Variants in MYO3B observed in about 807,000 individuals in gnomAD.
MYO3B encodes the protein myosin IIIB, also known as myosin-IIIb.
In MYO3B, 156 loss-of-function variants were observed where a neutral mutation model predicts 174.6. The observed-to-expected ratio is 0.89, with a 90% CI of 0.78 to 1.02. The LOEUF (loss-of-function observed/expected upper bound fraction) is 1.02, where lower values mean the gene tolerates loss of function less well. Ranked by LOEUF, MYO3B falls within the 50% of genes least tolerant of loss-of-function variation. The pLI is 0.00. For missense variants in MYO3B, 1,632 were observed against 1,639.4 expected (o/e 1.00, Z 0.08); for synonymous variants, 563 against 569.1 (o/e 0.99, Z 0.15).
Position 170,651,625 on chromosome 2 carries a change from C to G in MYO3B, c.3734-3C>G, listed in dbSNP as rs1699016758. On this transcript the variant is annotated splice_polypyrimidine_tract_variant and splice_region_variant and intron_variant, in intron 32 of 34. Transcript: ENST00000408978. ...TTACAGCAAAGTTTTGCTCTTTTTT[C>G]AGGTTCAGAAAATGGTCTTGCACAG... The G allele has an allele frequency of 6.2e-7, 1 of 1,613,462 alleles. No homozygotes were observed. Among genetic ancestry groups the G allele is most frequent in the African/African-American group, 1.3e-5 (1 of 74,852 alleles).
At chr2:170,215,274 C>T (rs2092815450) in intron 5 of MYO3B, among the ~76,000 whole-genome samples, 1 of 152,206 alleles carries the variant, frequency 6.6e-6, no homozygotes, top group South Asian at 2.1e-4. Flanking sequence ...TGGGAGCTAA[C>T]ATCCTTTTAA....
At chr2:170,610,994 C>G (rs1022999369) in intron 32 of MYO3B, among the ~76,000 whole-genome samples, 5 of 152,144 alleles carry the variant, frequency 3.3e-5, no homozygotes, top group African/African-American at 1.2e-4. Flanking sequence ...AGTTGCAGAT[C>G]CATGAGACCA....
intron 32 of MYO3B, among the ~76,000 whole-genome samples, chr2:170,623,780 C>A (rs969256315): frequency 9.9e-5 from 15 of 152,198 alleles, no homozygotes; most frequent in Non-Finnish European, 2.1e-4. Context: ...CCAGTTTCAT[C>A]TTTCTACATA....
At chr2:170,199,058 T>G (rs1377242411) in intron 1 of MYO3B, 150 bp from the exon 2 acceptor site, 1 of 538,958 alleles carries the variant, frequency 1.9e-6, no homozygotes, top group African/African-American at 1.9e-5. Flanking sequence ...AGGGTCCAAG[T>G]TCTTTTTCAA....
intron 32 of MYO3B, among the ~76,000 whole-genome samples, chr2:170,561,652 A>T (rs756113030): frequency 6.6e-6 from 1 of 152,242 alleles, no homozygotes; most frequent in African/African-American, 2.4e-5. Context: ...TGTAAAGACT[A>T]TCAATTTTAT....
chr2:170,389,014 A>G (rs978556744), intron 14 of MYO3B, among the ~76,000 whole-genome samples: 1 of 152,190 alleles, frequency 6.6e-6, no homozygotes, highest in African/African-American at 2.4e-5. Flanking sequence ...CAGAATGGAA[A>G]GCATAGTGTT....
intron 32 of MYO3B, among the ~76,000 whole-genome samples, chr2:170,608,382 T>C (rs1224004821): frequency 6.6e-6 from 1 of 152,210 alleles, no homozygotes; most frequent in East Asian, 1.9e-4. Flanking sequence ...AATCAATTAA[T>C]AGACATTAAA....
At position 170,416,627 on chromosome 2, in the gene MYO3B, T is replaced by C. The variant is rs565494645; in HGVS notation, c.2650+8783T>C. The stretch of plus-strand genomic sequence containing the variant: ...CCTAGAATAAAATCCAAACTCCTTT[T>C]TTTTTTTTTTTTTTGTACACACAAA... On this transcript the variant is annotated intron_variant, in intron 22 of 34. Transcript: ENST00000408978. Among the ~76,000 whole-genome samples the C allele has an allele frequency of 4.5e-4, 46 of 103,122 alleles. 1 individual carries two copies. Among genetic ancestry groups the C allele is most frequent in the African/African-American group, 1.4e-3 (46 of 32,620 alleles). The allele number at this position is 103,122 out of a possible 152,430, so 67.7% of individuals were successfully genotyped here. A position where few individuals can be genotyped will look rare whatever the true frequency, so the allele number is the denominator to read the frequency against.
At chr2:170,233,900 G>A (rs1222942386) in intron 6 of MYO3B, among the ~76,000 whole-genome samples, 3 of 152,066 alleles carry the variant, frequency 2.0e-5, no homozygotes, top group Admixed American at 6.5e-5. Flanking sequence ...GGCCGGGCGC[G>A]GTGGCTCACG....
At chr2:170,312,659 G>A (rs2093747839) in intron 7 of MYO3B, among the ~76,000 whole-genome samples, 1 of 152,220 alleles carries the variant, frequency 6.6e-6, no homozygotes, top group East Asian at 1.9e-4. Context: ...TGTTTATTTT[G>A]CAATTAGCTA....
At chr2:170,278,778 T>C (rs145017838) in intron 7 of MYO3B, among the ~76,000 whole-genome samples, 4 of 152,062 alleles carry the variant, frequency 2.6e-5, no homozygotes, top group South Asian at 2.1e-4. Flanking sequence ...CCGCCACATA[T>C]ACCCACATTC....
chr2:170,369,509 A>G (rs1305433425), intron 9 of MYO3B, 132 bp downstream of exon 9: 4 of 1,003,630 alleles, frequency 4.0e-6, no homozygotes, highest in Non-Finnish European at 5.7e-6. Flanking sequence ...TTTACATGAC[A>G]TTAAGTACTC....
At chr2:170,369,422 A>AATGTC in intron 9 of MYO3B, 45 bp downstream of exon 9, 1 of 1,577,384 alleles carries the variant, frequency 6.3e-7, no homozygotes, top group Non-Finnish European at 8.6e-7. Flanking sequence ...TGTTTATAAA[A>AATGTC]ATGTCATGTC....
chr2:170,510,404 G>T (rs1687904576), intron 28 of MYO3B, among the ~76,000 whole-genome samples: 1 of 152,130 alleles, frequency 6.6e-6, no homozygotes, highest in Non-Finnish European at 1.5e-5. Flanking sequence ...AGAACAAGGA[G>T]ACACAGGTCC....
chr2:170,371,940 TA>T (rs2094249030), intron 9 of MYO3B, among the ~76,000 whole-genome samples: 1 of 150,098 alleles, frequency 6.7e-6, no homozygotes, highest in Non-Finnish European at 1.5e-5. Flanking sequence ...TCATCTCTAC[TA>T]AAAAAATTAA....
intron 6 of MYO3B, among the ~76,000 whole-genome samples, chr2:170,223,926 G>T (rs916867552): frequency 6.6e-6 from 1 of 152,154 alleles, no homozygotes. Flanking sequence ...ATTCATTCTG[G>T]ATGGTAAATG....
At chr2:170,280,849 A>G (rs917942114) in intron 7 of MYO3B, among the ~76,000 whole-genome samples, 31 of 152,152 alleles carry the variant, frequency 2.0e-4, no homozygotes, top group Admixed American at 1.7e-3. Flanking sequence ...CTGTTTTTGT[A>G]TCAGTACTAT....
intron 8 of MYO3B, among the ~76,000 whole-genome samples, chr2:170,366,557 T>C (rs1183823200): frequency 6.6e-6 from 1 of 152,178 alleles, no homozygotes; most frequent in Non-Finnish European, 1.5e-5. Context: ...GCTCCCAAAG[T>C]GTTGGGATTA....
In MYO3B at chr2:170,618,512, C is replaced by A. The variant is rs374552367; in HGVS notation, c.3734-33116C>A. 2.0e-5 allele frequency among the ~76,000 whole-genome samples: 3 copies of A among 152,126 alleles called. No homozygotes were observed. In the East Asian group the frequency reaches 5.8e-4, roughly 29 times the overall value. On this transcript the variant is annotated intron_variant, in intron 32 of 34. Transcript: ENST00000408978. ...TGTGGTGCTTTTTCAGCAAATTTCT[C>A]TGTCTCGTTGTTGCATGCATCTTCA...
Sources: allele counts gnomAD v4.1 joint callset (sites outside exome capture counted in the v4.1 genomes callset), GRCh38; gene constraint gnomAD v4.1.1; transcripts MANE v1.5; gene names NCBI Gene and HGNC (gene_info 2026-07-23, HGNC 2026-07-21).